The following MTA3 variants were observed in gnomAD, a reference collection of about 807,000 sequenced individuals.
MTA3 encodes the protein metastasis associated 1 family member 3, also known as metastasis-associated protein MTA3.
A neutral mutation model predicts 83.5 loss-of-function variants in MTA3; 34 were observed. The ratio of observed to expected loss-of-function variants is 0.41; its 90% confidence interval spans 0.31 to 0.54. The LOEUF is 0.54. MTA3 is among the 20% of genes least tolerant of loss of function. MTA3 has a pLI of 0.33. For missense variants in MTA3, 761 were observed against 726.4 expected (o/e 1.05, Z -0.55); for synonymous variants, 303 against 252.7 (o/e 1.20, Z -1.89).
chr2:42,700,295 A>T (rs1299599594), intron 11 of MTA3, among the ~76,000 whole-genome samples: 1 of 152,194 alleles, frequency 6.6e-6, no homozygotes, highest in African/African-American at 2.4e-5. Context: ...TGTCTTTTAA[A>T]ACATTAAAAA....
chr2:42,660,017 A>T (rs1004217248), intron 8 of MTA3, among the ~76,000 whole-genome samples, 155 bp downstream of exon 8: 20 of 151,546 alleles, frequency 1.3e-4, no homozygotes, highest in Non-Finnish European at 2.2e-4. Flanking sequence ...TGACTGGGTT[A>T]TGATAACACT....
rs1203752843 is a variant in MTA3, at chr2:42,541,031, A to AT, written c.-140-29389dup. Among the ~76,000 whole-genome samples the AT allele has an allele frequency of 2.7e-3, 380 of 139,938 alleles. 1 individual carries two copies. The highest frequency in any genetic ancestry group is 7.4e-3 in the Middle Eastern group (2 of 270). 91.8% of individuals were successfully genotyped at this position (139,938 alleles called of 152,430 possible). A position where few individuals can be genotyped will look rare whatever the true frequency, so the allele number is the denominator to read the frequency against. ...ACATTCAGTGGAAACCTTACTTCAA[A>AT]TTTTTTTTTTTTTTTTTGAGATGGA... is the stretch of plus-strand genomic sequence containing the variant. On this transcript the variant is annotated intron_variant, in intron 2 of 17. Transcript: ENST00000405592.
intron 4 of MTA3, among the ~76,000 whole-genome samples, chr2:42,618,092 A>C (rs1488647625): frequency 1.3e-5 from 2 of 152,026 alleles, no homozygotes; most frequent in Non-Finnish European, 2.9e-5. Flanking sequence ...CTGCAAGTGC[A>C]CACTACCATA....
intron 16 of MTA3, among the ~76,000 whole-genome samples, chr2:42,734,104 G>T (rs1197312235): frequency 6.6e-6 from 1 of 152,130 alleles, no homozygotes; most frequent in Non-Finnish European, 1.5e-5. Context: ...TGGACGATGT[G>T]TTCATTGCTG....
chr2:42,683,396 A>G (rs1471090008), intron 9 of MTA3, among the ~76,000 whole-genome samples: 4 of 152,186 alleles, frequency 2.6e-5, no homozygotes, highest in Non-Finnish European at 4.4e-5. Context: ...TTAATGATGT[A>G]GAGGAGTGGT....
chr2:42,621,389 A>T (rs568808597), intron 4 of MTA3, among the ~76,000 whole-genome samples: 1 of 151,160 alleles, frequency 6.6e-6, no homozygotes, highest in African/African-American at 2.4e-5. Flanking sequence ...TTGCACCGCC[A>T]TTAATCCATT....
chr2:42,579,070 T>C (rs1679339186), intron 2 of MTA3, 37 bp from the exon 3 acceptor site: 2 of 1,383,568 alleles, frequency 1.4e-6, no homozygotes, highest in Non-Finnish European at 2.0e-6. Context: ...GACTCTAATA[T>C]TCAGTGCAAA....
At chr2:42,720,956 AAAAAAAAAAAAAAAAAAAG>A (rs1293124167) in intron 15 of MTA3, among the ~76,000 whole-genome samples, 1 of 146,884 alleles carries the variant, frequency 6.8e-6, no homozygotes, top group African/African-American at 2.5e-5. Context: ...TGTCTCAAAA[AAAAAAAAAAAAAAAAAAAG>A]AAAAGAAAAG....
chr2:42,739,833 A>G (rs964380325), intron 16 of MTA3, among the ~76,000 whole-genome samples: 1 of 152,248 alleles, frequency 6.6e-6, no homozygotes, highest in African/African-American at 2.4e-5. Context: ...CTTAAGAAAC[A>G]ACTTTCATTG....
At chr2:42,589,448 C>G (rs185408777) in intron 3 of MTA3, among the ~76,000 whole-genome samples, 150 of 152,320 alleles carry the variant, frequency 9.8e-4, no homozygotes, top group Non-Finnish European at 1.8e-3. Context: ...CCCTGACAAA[C>G]CAGGCAGCTA....
chr2:42,532,106 C>T (rs1572935568), intron 2 of MTA3, among the ~76,000 whole-genome samples: 1 of 152,222 alleles, frequency 6.6e-6, no homozygotes, highest in Non-Finnish European at 1.5e-5. Context: ...TTTCCCTGAG[C>T]TTAGCCATAA....
chr2:42,613,297 TATG>T (rs1223073338), intron 4 of MTA3, among the ~76,000 whole-genome samples: 1 of 152,226 alleles, frequency 6.6e-6, no homozygotes, highest in Non-Finnish European at 1.5e-5. Context: ...TCCTTTGAAT[TATG>T]ATGAAGAGAC....
rs184154408 is a variant in MTA3, at chr2:42,625,417, C to G, written c.318-14756C>G. On this transcript the variant is annotated intron_variant, in intron 4 of 16. Coordinates refer to ENST00000405094, the MANE Select transcript of MTA3 (RefSeq NM_001330442.2). ...TAAATCTTTGATTTTTCTAGCACGTCTAGTGATATTTTAATTTTGCCAATC... is the reference window on the plus strand; with the variant it reads ...TAAATCTTTGATTTTTCTAGCACGTGTAGTGATATTTTAATTTTGCCAATC... Among the ~76,000 whole-genome samples, 622 of 151,498 alleles carry G rather than the reference C, an allele frequency of 4.1e-3. 17 individuals are homozygous for G. Among genetic ancestry groups the G allele is most frequent in the African/African-American group, 1.5e-3 (61 of 41,010 alleles).
intron 3 of MTA3, among the ~76,000 whole-genome samples, chr2:42,582,654 T>C (rs1679804245): frequency 6.6e-6 from 1 of 152,046 alleles, no homozygotes; most frequent in African/African-American, 2.4e-5. Flanking sequence ...GCAAAAATAG[T>C]GAGAGGAAAT....
intron 6 of MTA3, among the ~76,000 whole-genome samples, chr2:42,649,745 G>A (rs989091517): frequency 6.6e-6 from 1 of 152,160 alleles, no homozygotes; most frequent in African/African-American, 2.4e-5. Context: ...TTTATGGGAA[G>A]CTTTGAGTTA....
chr2:42,645,112 C>G (rs1477310299), intron 6 of MTA3, among the ~76,000 whole-genome samples: 3 of 137,146 alleles, frequency 2.2e-5, no homozygotes, highest in Admixed American at 8.3e-5. Flanking sequence ...AGGAAAAGTT[C>G]TTGAAGGAAA....
chr2:42,514,924 C>T (rs1258944253), intron 2 of MTA3, among the ~76,000 whole-genome samples: 1 of 151,456 alleles, frequency 6.6e-6, no homozygotes, highest in African/African-American at 2.4e-5. Flanking sequence ...CTCCTAGCCT[C>T]AAGCGATTGT....
chr2:42,544,290 A>G (rs1676657087), intron 2 of MTA3, among the ~76,000 whole-genome samples: 1 of 151,982 alleles, frequency 6.6e-6, no homozygotes, highest in African/African-American at 2.4e-5. Flanking sequence ...TACTAAAAAT[A>G]CAAAAATTAG....
chr2:42,655,902 C>T (rs1390014063), intron 6 of MTA3, among the ~76,000 whole-genome samples: 1 of 152,258 alleles, frequency 6.6e-6, no homozygotes, highest in African/African-American at 2.4e-5. Flanking sequence ...CGCACCCAGC[C>T]TGTTGCATTT....
Sources: gnomAD v4.1 joint callset for allele counts (sites outside exome capture counted in the v4.1 genomes callset) on GRCh38, gnomAD v4.1.1 for gene constraint, MANE v1.5 for transcripts, NCBI Gene and HGNC (gene_info 2026-07-23, HGNC 2026-07-21) for gene names.